The following ZNF385D variants were observed in gnomAD, a reference collection of about 807,000 sequenced individuals.
The protein encoded by ZNF385D is zinc finger protein 659.
ZNF385D carries 15 observed loss-of-function variants against 35.8 expected under a neutral mutation model. The ratio of observed to expected loss-of-function variants is 0.42; its 90% CI spans 0.28 to 0.64. ZNF385D has a LOEUF of 0.64. Among genes scored for constraint, ZNF385D ranks in the 30% least tolerant of loss-of-function variants. The pLI, the probability that ZNF385D is intolerant of heterozygous loss-of-function variation, is 0.23. For missense variants in ZNF385D, 474 were observed against 494.6 expected, an observed-to-expected ratio of 0.96 and a Z score of 0.39; for synonymous variants, 212 against 186.8, an observed-to-expected ratio of 1.13 and a Z score of -1.10.
chr3:21,599,838 T>G (rs573924548), intron 2 of ZNF385D, among the ~76,000 whole-genome samples: 1 of 152,314 alleles, frequency 6.6e-6, no homozygotes, highest in Non-Finnish European at 1.5e-5. Flanking sequence ...CCAGAGCAAG[T>G]CCATCATCTT....
At chr3:21,924,910 C>G (rs1386851736) in intron 3 of ZNF385D, among the ~76,000 whole-genome samples, 1 of 152,220 alleles carries the variant, frequency 6.6e-6, no homozygotes, top group Admixed American at 6.5e-5. Context: ...CCCTCCTTCT[C>G]CTGCTACAGT....
intron 3 of ZNF385D, among the ~76,000 whole-genome samples, chr3:21,882,096 T>C (rs935171788): frequency 6.6e-6 from 1 of 152,050 alleles, no homozygotes; most frequent in African/African-American, 2.4e-5. Context: ...TTTAGAATAT[T>C]ACATTAACTT....
intron 4 of ZNF385D, among the ~76,000 whole-genome samples, chr3:21,501,055 C>T (rs949975929): frequency 1.3e-5 from 2 of 152,108 alleles, no homozygotes; most frequent in African/African-American, 4.8e-5. Context: ...GGTGGGAGGG[C>T]CAGCTTTTTT....
chr3:21,938,973 C>T (rs973433753), intron 3 of ZNF385D, among the ~76,000 whole-genome samples: 40 of 152,156 alleles, frequency 2.6e-4, no homozygotes, highest in African/African-American at 8.9e-4. Context: ...CAGTTCAAGG[C>T]CCATCTTTTG....
chr3:21,868,095 A>G (rs1697469502), intron 3 of ZNF385D, among the ~76,000 whole-genome samples: 1 of 152,114 alleles, frequency 6.6e-6, no homozygotes, highest in African/African-American at 2.4e-5. Flanking sequence ...GTGTTAAGAA[A>G]TGTACAAGCA....
chr3:21,480,044 G>A (rs1487332941), intron 4 of ZNF385D, among the ~76,000 whole-genome samples: 1 of 151,490 alleles, frequency 6.6e-6, no homozygotes, highest in Non-Finnish European at 1.5e-5. Flanking sequence ...CATATACAGA[G>A]ATGGTGGCAT....
chr3:21,458,234 A>T (rs1702943029), intron 4 of ZNF385D, among the ~76,000 whole-genome samples: 1 of 151,624 alleles, frequency 6.6e-6, no homozygotes, highest in Non-Finnish European at 1.5e-5. Context: ...GCACTTTAGG[A>T]GGCCAAGGCA....
In ZNF385D at chr3:21,677,087, C is replaced by T. The variant is rs1404840812; in HGVS notation, c.23-12059G>A. Among the ~76,000 whole-genome samples the T allele has an allele frequency of 2.0e-5, 3 of 152,002 alleles. No individual in the cohort carries two copies. In the South Asian group the frequency reaches 6.2e-4, roughly 31 times the overall value. ...TATATTATGATAAAAGGAAAGACAT[C>T]GTAAAATAGTGCAGTTAAACACAAG... is the stretch of plus-strand genomic sequence containing the variant. On this transcript the variant is annotated intron_variant, in intron 1 of 7. Transcript: ENST00000281523.
chr3:22,333,193 C>A (rs1485213181), intron 2 of ZNF385D, among the ~76,000 whole-genome samples: 1 of 152,090 alleles, frequency 6.6e-6, no homozygotes, highest in Non-Finnish European at 1.5e-5. Flanking sequence ...ATCATTGACC[C>A]TTTATAAGTT....
At chr3:22,293,325 G>C (rs1397367096) in intron 2 of ZNF385D, among the ~76,000 whole-genome samples, 3 of 151,978 alleles carry the variant, frequency 2.0e-5, no homozygotes, top group Non-Finnish European at 4.4e-5. Context: ...ATCTCAATTA[G>C]TGATCCCATG....
chr3:22,193,312 T>G (rs1173182208), intron 2 of ZNF385D, among the ~76,000 whole-genome samples: 1 of 152,082 alleles, frequency 6.6e-6, no homozygotes, highest in Admixed American at 6.6e-5. Context: ...AGGCAGTAAT[T>G]TGAGCTTAGT....
At chr3:22,345,042 G>T (rs906536031) in intron 2 of ZNF385D, among the ~76,000 whole-genome samples, 1 of 152,104 alleles carries the variant, frequency 6.6e-6, no homozygotes, top group Non-Finnish European at 1.5e-5. Flanking sequence ...ACAAAGCACA[G>T]GTGTAATAAT....
rs536390062 is a variant in ZNF385D at position 21,687,888 on chromosome 3, T to G, written c.23-22860A>C. Reference sequence around the variant, plus strand: ...TGGTTATTGTAGAAAAGTCTGACAATGTAAACAAAATCTGTTTTTTTTTTA... The same window carrying G: ...TGGTTATTGTAGAAAAGTCTGACAAGGTAAACAAAATCTGTTTTTTTTTTA... On this transcript the variant is annotated intron_variant, in intron 1 of 7. Coordinates refer to ENST00000281523, the MANE Select transcript of ZNF385D (RefSeq NM_024697.3). 3.9e-5 allele frequency among the ~76,000 whole-genome samples: 6 copies of G among 152,230 alleles called. No individual in the cohort carries two copies. In the South Asian group the frequency reaches 1.2e-3, roughly 32 times the overall value.
intron 1 of ZNF385D, among the ~76,000 whole-genome samples, chr3:21,749,562 T>C (rs2069956959): frequency 6.6e-6 from 1 of 152,194 alleles, no homozygotes; most frequent in African/African-American, 2.4e-5. Flanking sequence ...TAGTGGCCAA[T>C]AAACAAGCTT....
At chr3:21,640,138 T>G (rs2065560463) in intron 2 of ZNF385D, among the ~76,000 whole-genome samples, 1 of 152,106 alleles carries the variant, frequency 6.6e-6, no homozygotes, top group Non-Finnish European at 1.5e-5. Context: ...TAAAGAAGCC[T>G]GGACTCCACT....
At position 22,040,056 on chromosome 3, in the gene ZNF385D, G is replaced by A. The variant is rs148956605; in HGVS notation, c.325+128761C>T. 2.8e-4 allele frequency among the ~76,000 whole-genome samples: 43 copies of A among 152,232 alleles called. 1 individual carries two copies. In the Middle Eastern group the frequency reaches 0.014, roughly 48 times the overall value. On this transcript the variant is annotated intron_variant, in intron 3 of 5. Transcript: ENST00000494108. Reference sequence around the variant, plus strand: ...ACCTGGCCATGCATTCGTACTAACGGCCAAGTCTCAAGATTTCAGTGTGTA... The same window carrying A: ...ACCTGGCCATGCATTCGTACTAACGACCAAGTCTCAAGATTTCAGTGTGTA...
chr3:21,585,075 A>G (rs1023969668), intron 2 of ZNF385D, among the ~76,000 whole-genome samples: 8 of 152,216 alleles, frequency 5.3e-5, no homozygotes, highest in African/African-American at 1.9e-4. Flanking sequence ...AAATATAACG[A>G]GAGTTATTTC....
chr3:22,217,939 CCT>C lies in ZNF385D; in HGVS notation c.107-48906_107-48905del, dbSNP rs1447864077. Among the ~76,000 whole-genome samples, 4 of 152,210 alleles carry C rather than the reference CCT, an allele frequency of 2.6e-5. No homozygotes were observed. In the South Asian group the frequency reaches 8.3e-4, roughly 32 times the overall value. ...AGAACAGCACTCCAATTGGTCACTC[CCT>C]CTCTTTCAAATTCACCGTCCTTTTA... is the stretch of plus-strand genomic sequence containing the variant. On this transcript the variant is annotated intron_variant, in intron 2 of 5. Coordinates refer to the ZNF385D transcript ENST00000494108.
At chr3:22,251,201 G>C (rs1208089652) in intron 2 of ZNF385D, among the ~76,000 whole-genome samples, 1 of 152,112 alleles carries the variant, frequency 6.6e-6, no homozygotes, top group East Asian at 1.9e-4. Context: ...TTTTAAAGTA[G>C]ACGTGAAAAG....
Sources: gnomAD v4.1 joint callset for allele counts (sites outside exome capture counted in the v4.1 genomes callset) on GRCh38, gnomAD v4.1.1 for gene constraint, MANE v1.5 for transcripts, NCBI Gene and HGNC (gene_info 2026-07-23, HGNC 2026-07-21) for gene names.